IKZF4: variants seen among roughly 807,000 people sequenced by gnomAD.
IKZF4 encodes the protein IKAROS family zinc finger 4.
IKZF4 carries 11 observed loss-of-function variants against 47.7 expected under a neutral mutation model. That is an observed-to-expected ratio of 0.23 (90% CI 0.15 to 0.38). The LOEUF (loss-of-function observed/expected upper bound fraction) is 0.38, where lower values mean the gene tolerates loss of function less well. Among genes scored for constraint, IKZF4 ranks in the 10% least tolerant of loss-of-function variants. The probability of loss-of-function intolerance (pLI) is 1.00; values close to 1 mark genes in which losing one functional copy is unlikely to be tolerated. For synonymous variants in IKZF4, 298 were observed against 299.4 expected, an observed-to-expected ratio of 1.00 and a Z score of 0.05; for missense variants, 557 against 784.9, an observed-to-expected ratio of 0.71 and a Z score of 3.47.
At position 56,023,965 on chromosome 12, in the gene IKZF4, G is replaced by T. The variant is rs190206443; in HGVS notation, c.181+201G>T. The T allele has an allele frequency of 2.5e-5, 24 of 974,202 alleles. No homozygotes were observed. The East Asian group carries it at 2.1e-3, about 83-fold the overall frequency. 60.3% of individuals were successfully genotyped at this position (974,202 alleles called of 1,614,324 possible). ...GCTACCAGTATGTTTATCCCAATAG[G>T]TATGTTCTCTTTATATGTATCTACA... is the stretch of plus-strand genomic sequence containing the variant. On this transcript the variant is annotated intron_variant, in intron 2 of 7. Transcript: ENST00000547167.
intron 6 of IKZF4, 42 bp downstream of exon 6, chr12:56,032,752 G>T (rs1323506270): frequency 6.2e-7 from 1 of 1,605,620 alleles, no homozygotes; most frequent in African/African-American, 1.3e-5. Flanking sequence ...AAAGGGGATG[G>T]TGAGAGGGAG....
upstream of IKZF4, among the ~76,000 whole-genome samples, chr12:56,018,594 G>A (rs1892443503): frequency 6.6e-6 from 1 of 152,138 alleles, no homozygotes; most frequent in African/African-American, 2.4e-5. Flanking sequence ...AATGAGTGAA[G>A]TAAGGTTAGG....
At position 56,035,576 on chromosome 12, in the gene IKZF4, A is replaced by C. The variant is rs1237421767; in HGVS notation, c.*245A>C. The stretch of plus-strand genomic sequence containing the variant: ...TATCTTCTCTCATCCCAGCATACTG[A>C]GTTATTTATTAATTAGTTGATTTAT... On this transcript the variant is annotated 3_prime_UTR_variant, in exon 8 of 8. Coordinates refer to ENST00000547167, the MANE Select transcript of IKZF4 (RefSeq NM_022465.4). The surrounding 1 kb of genome is among the most constrained non-coding windows in gnomAD (Gnocchi z 6.1). The C allele has an allele frequency of 4.4e-5, 18 of 405,662 alleles. No individual in the cohort carries two copies. The allele number at this position is 405,662 out of a possible 1,614,324, so 25.1% of individuals were successfully genotyped here. A position where few individuals can be genotyped will look rare whatever the true frequency, so the allele number is the denominator to read the frequency against.
At chr12:56,033,061 C>T (rs904186140) in intron 6 of IKZF4, 129 bp from the exon 7 acceptor site, 4 of 1,081,530 alleles carry the variant, frequency 3.7e-6, no homozygotes, top group Non-Finnish European at 5.3e-6. Context: ...GTAAACAGAG[C>T]CCAGTTTCCC....
chr12:56,035,209 A>G lies in IKZF4; in HGVS notation c.1636A>G (p.Thr546Ala). 3 of 1,614,070 alleles carry G rather than the reference A, an allele frequency of 1.9e-6. No homozygotes were observed. Among genetic ancestry groups the G allele is most frequent in the Non-Finnish European group, 2.5e-6 (3 of 1,179,992 alleles). Reference protein sequence around the residue: ...RILFLDHVMFTIHMGCHGFRD... With the variant: ...RILFLDHVMFAIHMGCHGFRD... ...CCTCTTCCTGGACCACGTCATGTTCACTATCCACATGGGCTGCCATGGCTT... is the reference window on the plus strand; with the variant it reads ...CCTCTTCCTGGACCACGTCATGTTCGCTATCCACATGGGCTGCCATGGCTT... The change falls in exon 8 of 8, where the codon ACT (threonine) becomes GCT (alanine). Residue 546 changes from threonine to alanine, a missense_variant. Transcript: ENST00000547167. The surrounding 1 kb of genome is among the most constrained non-coding windows in gnomAD (Gnocchi z 6.1).
At position 56,033,298 on chromosome 12, in the gene IKZF4, G is replaced by A. The variant is rs1249586515; in HGVS notation, c.974G>A (p.Arg325His). Reference sequence around the variant, plus strand: ...GCCAATAGCCTCACCAAACGCAAGCGTTCCACACCCCAGAAGTTTGTAGGT... The same window carrying A: ...GCCAATAGCCTCACCAAACGCAAGCATTCCACACCCCAGAAGTTTGTAGGT... ...RLANSLTKRK[R>H]STPQKFVGEK... Residue 325 changes from arginine to histidine, a missense_variant, in exon 7 of 8, where the codon CGT (arginine) becomes CAT (histidine). Physicochemically the swap from Arg to His is conservative, Grantham distance 29. Around this residue, in one of 6 missense-constraint regions of IKZF4, gnomAD observed 280 missense variants for 314.0 expected, o/e 0.89. Transcript: ENST00000547167. 1.9e-6 allele frequency: 3 copies of A among 1,613,880 alleles called. No homozygotes were observed. The highest frequency in any genetic ancestry group is 1.3e-5 in the African/African-American group (1 of 74,928).
At position 56,034,587 on chromosome 12, in the gene IKZF4, C is replaced by T. The variant is rs375025153; in HGVS notation, c.1014C>T (p.Arg338=). 6.2e-7 allele frequency: 1 copy of T among 1,609,992 alleles called. No individual in the cohort carries two copies. Among genetic ancestry groups the T allele is most frequent in the Non-Finnish European group, 8.5e-7 (1 of 1,177,328 alleles). ...PQKFVGEKQM[R]FSLSDLPYDV... Reference sequence around the variant, plus strand: ...TCTCCACAGGCGAAAAGCAGATGCGCTTCAGCCTCTCAGACCTCCCCTATG... The same window carrying T: ...TCTCCACAGGCGAAAAGCAGATGCGTTTCAGCCTCTCAGACCTCCCCTATG... The change falls in exon 8 of 8, where the codon CGC becomes CGT. Residue 338 remains arginine (R), a synonymous_variant. Coordinates refer to ENST00000547167, the MANE Select transcript of IKZF4 (RefSeq NM_022465.4).
chr12:56,024,063 T>C (rs1893535461), intron 2 of IKZF4: 1 of 459,006 alleles, frequency 2.2e-6, no homozygotes, highest in African/African-American at 2.1e-5. Context: ...TAGAAGATTG[T>C]GGGGAGGAGG....
intron 1 of IKZF4, among the ~76,000 whole-genome samples, chr12:56,008,223 T>A (rs533716590): frequency 1.4e-4 from 21 of 152,158 alleles, no homozygotes; most frequent in Admixed American, 7.8e-4. Flanking sequence ...GAGAAACATG[T>A]AGAGAAGAAA....
In IKZF4 at chr12:56,034,773, C is replaced by T. The variant is rs1396955832; in HGVS notation, c.1200C>T (p.Ser400=). 4 of 1,613,948 alleles carry T rather than the reference C, an allele frequency of 2.5e-6. No individual in the cohort carries two copies. Among genetic ancestry groups the T allele is most frequent in the Non-Finnish European group, 3.4e-6 (4 of 1,179,904 alleles). The part of the protein sequence containing the change: ...NCISELTPVI[S]SVYTQMQPLP... ...TCTCAGAACTCACGCCTGTCATCAG[C>T]TCTGTCTACACCCAGATGCAGCCCC... Residue 400 remains serine (S), a synonymous_variant, in exon 8 of 8, where the codon AGC becomes AGT. Transcript: ENST00000547167.
upstream of IKZF4, among the ~76,000 whole-genome samples, chr12:56,016,557 GA>G (rs1445413245): frequency 6.6e-6 from 1 of 150,906 alleles, no homozygotes; most frequent in Non-Finnish European, 1.5e-5. Flanking sequence ...AAGTACCTGG[GA>G]TTACAGGCTC....
At chr12:56,029,078 G>C (rs1038908551) in intron 5 of IKZF4, among the ~76,000 whole-genome samples, 1 of 152,018 alleles carries the variant, frequency 6.6e-6, no homozygotes, top group Non-Finnish European at 1.5e-5. Context: ...CTTCCTTCTG[G>C]CTCCTGGAAA....
upstream of IKZF4, among the ~76,000 whole-genome samples, chr12:56,020,612 G>T (rs1892727597): frequency 6.6e-6 from 1 of 152,192 alleles, no homozygotes; most frequent in African/African-American, 2.4e-5. Flanking sequence ...AAAGGGAAGG[G>T]AGCAGAGGCC....
At chr12:56,017,721 C>A (rs769277789), upstream of IKZF4, among the ~76,000 whole-genome samples, 4 of 152,140 alleles carry the variant, frequency 2.6e-5, no homozygotes, top group African/African-American at 9.7e-5. Flanking sequence ...GACAGGGTCT[C>A]GCTCGGTTAC....
rs201218520 is a variant in IKZF4, at chr12:56,032,692, G to A, written c.847G>A (p.Ala283Thr). 6.5e-4 allele frequency: 1,048 copies of A among 1,613,940 alleles called. No individual in the cohort carries two copies. Among genetic ancestry groups the A allele is most frequent in the Non-Finnish European group, 8.4e-4 (986 of 1,179,906 alleles). The change falls in exon 6 of 8, where the codon GCT becomes ACT. Residue 283 changes from alanine (A) to threonine (T), a missense_variant. Physicochemically the swap from Ala to Thr is moderately conservative, Grantham distance 58 (BLOSUM62 0). Coordinates refer to ENST00000547167, the MANE Select transcript of IKZF4 (RefSeq NM_022465.4). Reference sequence around the variant, plus strand: ...ACAGAGTCTCAGCACTGAAGCCCAAGCTTTGGCTGGCCAACCAGGTAGGGC... The same window carrying A: ...ACAGAGTCTCAGCACTGAAGCCCAAACTTTGGCTGGCCAACCAGGTAGGGC... ...YLQSLSTEAQ[A>T]LAGQPGDEIR... is the part of the protein sequence containing the mutation.
intron 5 of IKZF4, among the ~76,000 whole-genome samples, chr12:56,032,091 C>T (rs915207949): frequency 6.6e-6 from 1 of 152,094 alleles, no homozygotes; most frequent in Non-Finnish European, 1.5e-5. Context: ...CCACCAGTTT[C>T]CCCCAAACCA....
intron 2 of IKZF4, among the ~76,000 whole-genome samples, chr12:56,011,977 G>A (rs1891372419): frequency 6.6e-6 from 1 of 152,060 alleles, no homozygotes; most frequent in South Asian, 2.1e-4. Context: ...GTTCAGGAAG[G>A]CATAGACAGT....
At chr12:56,033,417 A>G (rs1238862089) in intron 7 of IKZF4, 96 bp downstream of exon 7, 3 of 1,518,614 alleles carry the variant, frequency 2.0e-6, no homozygotes, top group African/African-American at 2.7e-5. Context: ...GAAAGAAAGC[A>G]GTCTGGTGGG....
upstream of IKZF4, chr12:56,020,869 G>A (rs1245061815): frequency 4.3e-6 from 4 of 936,200 alleles, no homozygotes; most frequent in Admixed American, 6.2e-5. Context: ...GAAAGAGTTC[G>A]GTGGGGGAGG....
Sources: gnomAD v4.1 joint callset for allele counts (sites outside exome capture counted in the v4.1 genomes callset) on GRCh38, gnomAD v4.1.1 for gene constraint, gnomAD v4.1.1 regional missense constraint, Gnocchi (gnomAD v3.1) non-coding constraint, MANE v1.5 for transcripts, NCBI Gene and HGNC (gene_info 2026-07-23, HGNC 2026-07-21) for gene names.